Variants in REDIC1 observed in about 807,000 individuals in gnomAD.
REDIC1 encodes HEI10 Interacting Protein 1.
chr12:39,741,261 T>G, the REDIC1 span, among the ~76,000 whole-genome samples: 15 of 152,244 alleles, frequency 9.9e-5, no homozygotes, highest in Non-Finnish European at 2.1e-4. Context: ...TGTATTATTA[T>G]GTTATTCAAA....
the REDIC1 span, among the ~76,000 whole-genome samples, chr12:39,769,721 T>G: frequency 6.6e-6 from 1 of 151,924 alleles, no homozygotes; most frequent in African/African-American, 2.4e-5. Flanking sequence ...TTCCCTTCTG[T>G]CTACAATACA....
At chr12:39,653,572 T>TCTTCTTCTTCTTCTTCTTCTTCTTC in the REDIC1 span, among the ~76,000 whole-genome samples, 1 of 72,882 alleles carries the variant, frequency 1.4e-5, no homozygotes, top group Non-Finnish European at 3.1e-5. Context: ...TTCTTCTTCT[T>TCTTCTTCTTCTTCTTCTTCTTCTTC]TTTCTTCCTC....
chr12:39,646,824 TTTTTC>T, the REDIC1 span: 1 of 1,515,530 alleles, frequency 6.6e-7, no homozygotes, highest in South Asian at 1.2e-5. Flanking sequence ...TTAACCTAAA[TTTTTC>T]TTTTCATTAG....
chr12:39,768,557 T>C, the REDIC1 span, among the ~76,000 whole-genome samples: 14 of 152,168 alleles, frequency 9.2e-5, no homozygotes, highest in East Asian at 2.7e-3. Flanking sequence ...ATTGTAGAGT[T>C]ATTAACTGTA....
chr12:39,648,082 C>T, the REDIC1 span: 7 of 762,564 alleles, frequency 9.2e-6, no homozygotes, highest in Non-Finnish European at 1.3e-5. Flanking sequence ...AATTGCTATA[C>T]ATATAAACAA....
the REDIC1 span, among the ~76,000 whole-genome samples, chr12:39,699,245 A>G: frequency 6.6e-6 from 1 of 152,182 alleles, no homozygotes; most frequent in African/African-American, 2.4e-5. Flanking sequence ...GGGTGTGCGC[A>G]CCATGCATGA....
the REDIC1 span, among the ~76,000 whole-genome samples, chr12:39,671,858 GC>G: frequency 6.6e-6 from 1 of 152,132 alleles, no homozygotes; most frequent in East Asian, 1.9e-4. Flanking sequence ...CACACTGGTG[GC>G]AGGTTTTCTG....
At chr12:39,721,097 CTG>C in the REDIC1 span, 1 of 1,613,710 alleles carries the variant, frequency 6.2e-7, no homozygotes, top group Non-Finnish European at 8.5e-7. Flanking sequence ...GAGAGTGAAT[CTG>C]TAATGGAGGA....
At chr12:39,779,826 C>A in the REDIC1 span, among the ~76,000 whole-genome samples, 1 of 152,210 alleles carries the variant, frequency 6.6e-6, no homozygotes, top group Non-Finnish European at 1.5e-5. Flanking sequence ...CACCAGTATT[C>A]TGATTTTATT....
chr12:39,807,573 G>A, the REDIC1 span, among the ~76,000 whole-genome samples: 1 of 152,088 alleles, frequency 6.6e-6, no homozygotes, highest in Admixed American at 6.5e-5. Flanking sequence ...ATATCAGCTA[G>A]GCTACTCATT....
At chr12:39,786,305 G>T in the REDIC1 span, among the ~76,000 whole-genome samples, 32 of 151,800 alleles carry the variant, frequency 2.1e-4, no homozygotes, top group Non-Finnish European at 2.9e-5. Flanking sequence ...TTTATCAGGG[G>T]TTTCCTCTTT....
the REDIC1 span, among the ~76,000 whole-genome samples, chr12:39,823,724 C>T: frequency 6.6e-6 from 1 of 152,190 alleles, no homozygotes; most frequent in Non-Finnish European, 1.5e-5. Flanking sequence ...GCTGGGACTA[C>T]AGGAATGTGC....
chr12:39,847,470 T>C, the REDIC1 span, among the ~76,000 whole-genome samples: 1 of 152,118 alleles, frequency 6.6e-6, no homozygotes. Context: ...CAGGAAGACT[T>C]CAAAGGGAGC....
the REDIC1 span, among the ~76,000 whole-genome samples, chr12:39,640,609 T>C: frequency 3.3e-5 from 5 of 151,946 alleles, no homozygotes; most frequent in Non-Finnish European, 7.4e-5. Context: ...AAAAGAAGAA[T>C]GTTGACAGAG....
chr12:39,824,083 C>T, the REDIC1 span, among the ~76,000 whole-genome samples: 3 of 151,850 alleles, frequency 2.0e-5, no homozygotes, highest in African/African-American at 7.3e-5. Context: ...ATATAAAACA[C>T]CAAAGGTTTA....
the REDIC1 span, among the ~76,000 whole-genome samples, chr12:39,875,866 A>C: frequency 6.6e-6 from 1 of 152,336 alleles, no homozygotes; most frequent in South Asian, 2.1e-4. Context: ...CCTACCACTG[A>C]GTTTACAATC....
the REDIC1 span, among the ~76,000 whole-genome samples, chr12:39,713,576 A>C: frequency 2.0e-5 from 3 of 150,020 alleles, no homozygotes; most frequent in Non-Finnish European, 3.0e-5. Flanking sequence ...ACGCGTACAT[A>C]TGTATACACA....
At chr12:39,821,020 A>C in the REDIC1 span, among the ~76,000 whole-genome samples, 1 of 151,970 alleles carries the variant, frequency 6.6e-6, no homozygotes, top group Admixed American at 6.6e-5. Flanking sequence ...ACTGCTCCCC[A>C]AACTCATGAC....
the REDIC1 span, among the ~76,000 whole-genome samples, chr12:39,796,493 C>G: frequency 6.6e-6 from 1 of 151,600 alleles, no homozygotes; most frequent in African/African-American, 2.4e-5. Context: ...AGGCCATTTC[C>G]TTAAAAGCAA....
Sources: allele counts gnomAD v4.1 joint callset (sites outside exome capture counted in the v4.1 genomes callset), GRCh38; gene constraint gnomAD v4.1.1; transcripts MANE v1.5; gene names NCBI Gene and HGNC (gene_info 2026-07-23, HGNC 2026-07-21).